The following ZBTB20 variants were observed in gnomAD, a reference collection of about 807,000 sequenced individuals.
ZBTB20 encodes the protein zinc finger and BTB domain containing 20.
ZBTB20 carries 9 observed loss-of-function variants against 56.9 expected under a neutral mutation model. The observed-to-expected ratio is 0.16, with a 90% CI of 0.10 to 0.28. The LOEUF is 0.28. ZBTB20 is among the 10% of genes least tolerant of loss of function. The probability of loss-of-function intolerance (pLI) is 1.00; values close to 1 mark genes in which losing one functional copy is unlikely to be tolerated. For synonymous variants in ZBTB20, 417 were observed against 420.7 expected (o/e 0.99, Z 0.11); for missense variants, 655 against 1,003.0 (o/e 0.65, Z 4.69).
At chr3:114,366,885 A>AG (rs1184641362) in intron 10 of ZBTB20, 5 of 152,038 alleles carry the variant, frequency 3.3e-5, no homozygotes, top group African/African-American at 1.2e-4. Context: ...GAAGAAGGTA[A>AG]GTAAGCAGGG....
At chr3:114,750,539 T>C (rs1024162592) in intron 5 of ZBTB20, among the ~76,000 whole-genome samples, 2 of 151,978 alleles carry the variant, frequency 1.3e-5, no homozygotes, top group African/African-American at 4.8e-5. Context: ...CTGCAGAAAA[T>C]ACAAATATTT....
chr3:114,380,157 C>T (rs1308368271), intron 10 of ZBTB20, 60 bp downstream of exon 10: 1 of 1,417,726 alleles, frequency 7.1e-7, no homozygotes, highest in Non-Finnish European at 9.2e-7. Context: ...AGCCAGAACC[C>T]AGGGTAGAAG....
intron 6 of ZBTB20, among the ~76,000 whole-genome samples, chr3:114,551,546 G>A (rs1173422718): frequency 6.6e-6 from 1 of 152,190 alleles, no homozygotes; most frequent in Non-Finnish European, 1.5e-5. Flanking sequence ...ATGAGCCTTT[G>A]AGGATAGGTA....
At chr3:114,856,402 T>C (rs1158997298) in intron 4 of ZBTB20, among the ~76,000 whole-genome samples, 2 of 152,138 alleles carry the variant, frequency 1.3e-5, no homozygotes, top group Non-Finnish European at 1.5e-5. Flanking sequence ...AAGCAGCTGA[T>C]GCTAACAAGG....
chr3:115,033,916 G>A (rs1370922761), intron 2 of ZBTB20, among the ~76,000 whole-genome samples: 1 of 151,680 alleles, frequency 6.6e-6, no homozygotes, highest in Non-Finnish European at 1.5e-5. Context: ...GACCAAGTAG[G>A]ATTTGTCGTT....
At chr3:114,835,374 C>CA (rs1409272991) in intron 4 of ZBTB20, among the ~76,000 whole-genome samples, 1 of 151,710 alleles carries the variant, frequency 6.6e-6, no homozygotes, top group Admixed American at 6.6e-5. Flanking sequence ...CAGCTGGTGT[C>CA]AAAAAAGTTG....
At chr3:114,700,744 G>A (rs972082052) in intron 5 of ZBTB20, among the ~76,000 whole-genome samples, 1 of 152,156 alleles carries the variant, frequency 6.6e-6, no homozygotes, top group Non-Finnish European at 1.5e-5. Context: ...AAAGAACTCT[G>A]AGGAGGTTAA....
intron 2 of ZBTB20, among the ~76,000 whole-genome samples, chr3:115,030,415 T>A (rs1221180474): frequency 1.3e-5 from 2 of 151,268 alleles, no homozygotes; most frequent in African/African-American, 4.8e-5. Context: ...TTACATGTAT[T>A]ACTCCACCCC....
At chr3:114,541,997 A>C (rs2110110668) in intron 6 of ZBTB20, among the ~76,000 whole-genome samples, 1 of 152,200 alleles carries the variant, frequency 6.6e-6, no homozygotes, top group East Asian at 1.9e-4. Context: ...AGTAATCATA[A>C]TTTAATGATC....
chr3:114,486,371 AATAG>A (rs373375411), intron 7 of ZBTB20, among the ~76,000 whole-genome samples: 23 of 152,080 alleles, frequency 1.5e-4, no homozygotes, highest in Non-Finnish European at 2.1e-4. Context: ...TTTTTAAGTA[AATAG>A]ATAGTCTACA....
intron 3 of ZBTB20, among the ~76,000 whole-genome samples, chr3:114,922,903 T>C (rs575960309): frequency 1.7e-3 from 264 of 152,180 alleles, no homozygotes; most frequent in Non-Finnish European, 3.4e-3. Context: ...TTAGGCCTGA[T>C]AGCTAACATT....
intron 5 of ZBTB20, among the ~76,000 whole-genome samples, chr3:114,754,158 C>T (rs954995672): frequency 1.3e-4 from 20 of 152,166 alleles, no homozygotes; most frequent in African/African-American, 4.3e-4. Flanking sequence ...TGTGCCTCAC[C>T]TGCGAACTGG....
chr3:114,688,762 T>A (rs1202698276), intron 6 of ZBTB20, among the ~76,000 whole-genome samples: 1 of 152,084 alleles, frequency 6.6e-6, no homozygotes, highest in African/African-American at 2.4e-5. Context: ...TATTGAGAGG[T>A]TACAGATTTC....
intron 6 of ZBTB20, among the ~76,000 whole-genome samples, chr3:114,506,179 A>G (rs1040658178): frequency 1.1e-4 from 17 of 152,178 alleles, no homozygotes; most frequent in African/African-American, 4.1e-4. Context: ...GATCCGTCTC[A>G]AGAAGAACAA....
intron 5 of ZBTB20, among the ~76,000 whole-genome samples, chr3:114,786,951 T>A (rs1360978451): frequency 6.6e-6 from 1 of 151,842 alleles, no homozygotes; most frequent in African/African-American, 2.4e-5. Flanking sequence ...AAGAAACAAA[T>A]CGTGAAACAT....
intron 2 of ZBTB20, among the ~76,000 whole-genome samples, chr3:114,984,844 C>A (rs573288596): frequency 6.6e-6 from 1 of 152,100 alleles, no homozygotes; most frequent in East Asian, 1.9e-4. Flanking sequence ...CTCACACATC[C>A]CTACACACCA....
chr3:114,975,926 T>C (rs1017696016), intron 2 of ZBTB20, among the ~76,000 whole-genome samples: 1 of 152,204 alleles, frequency 6.6e-6, no homozygotes, highest in African/African-American at 2.4e-5. Context: ...GCCTGCCATA[T>C]ACTAGGATAT....
intron 3 of ZBTB20, among the ~76,000 whole-genome samples, chr3:114,958,839 A>C (rs1347755854): frequency 6.6e-6 from 1 of 151,326 alleles, no homozygotes; most frequent in Non-Finnish European, 1.5e-5. Context: ...CAATAGAGTG[A>C]GAGTCTGTCT....
intron 5 of ZBTB20, among the ~76,000 whole-genome samples, chr3:114,771,700 C>T (rs541210881): frequency 1.3e-5 from 2 of 152,154 alleles, no homozygotes; most frequent in African/African-American, 2.4e-5. Context: ...CAACCTTGAA[C>T]AGAATTCCAA....
Sources: gnomAD v4.1 joint callset for allele counts (sites outside exome capture counted in the v4.1 genomes callset) on GRCh38, gnomAD v4.1.1 for gene constraint, MANE v1.5 for transcripts, NCBI Gene and HGNC (gene_info 2026-07-23, HGNC 2026-07-21) for gene names.